The following PABPC1L variants were observed in gnomAD, a reference collection of about 807,000 sequenced individuals.
PABPC1L encodes poly(A) binding protein cytoplasmic 1 like.
In PABPC1L, 31 loss-of-function variants were observed where a neutral mutation model predicts 66.6. The observed-to-expected ratio is 0.47, with a 90% CI of 0.35 to 0.63. The LOEUF is 0.63. Among genes scored for constraint, PABPC1L ranks in the 20% least tolerant of loss-of-function variants. The pLI is 0.00. For synonymous variants in PABPC1L, 348 were observed against 335.1 expected (o/e 1.04, Z -0.42); for missense variants, 722 against 848.8 (o/e 0.85, Z 1.86).
At chr20:44,919,345 G>A in intron 5 of PABPC1L, 68 bp downstream of exon 5, 1 of 1,537,022 alleles carries the variant, frequency 6.5e-7, no homozygotes, top group African/African-American at 1.4e-5. Flanking sequence ...GAGGGTCCCA[G>A]CTGCCTGTGG....
intron 13 of PABPC1L, 64 bp downstream of exon 13, chr20:44,938,255 C>T: frequency 2.6e-6 from 4 of 1,565,072 alleles, no homozygotes; most frequent in South Asian, 1.2e-5. Context: ...GACAAGGGCT[C>T]TCCTAGTGGA....
chr20:44,934,491 C>T (rs900068643), intron 10 of PABPC1L, among the ~76,000 whole-genome samples: 2 of 152,216 alleles, frequency 1.3e-5, no homozygotes, highest in African/African-American at 4.8e-5. Flanking sequence ...CTCGTTCCTC[C>T]TCCCGCTAGC....
rs1201412446 is a variant in PABPC1L at position 44,914,204 on chromosome 20, CT to C, written c.387+1371del. ...AGTTTTTGTAGCCTATGTGTCAGAA[CT>C]TTTTTTTTTTTTTTTTTTTGAGACG... On this transcript the variant is annotated intron_variant, in intron 2 of 14. Transcript: ENST00000217073. 3.3e-3 allele frequency among the ~76,000 whole-genome samples: 379 copies of C among 114,342 alleles called. 3 individuals carry two copies. Among genetic ancestry groups the C allele is most frequent in the Admixed American group, 0.021 (223 of 10,684 alleles). 75.0% of individuals were successfully genotyped at this position (114,342 alleles called of 152,430 possible).
chr20:44,937,068 T>TG (rs1179790575), intron 12 of PABPC1L: 18 of 479,920 alleles, frequency 3.8e-5, no homozygotes, highest in African/African-American at 3.0e-4. Context: ...GGCTTGTAGG[T>TG]GGGGGGTTAA....
At chr20:44,930,335 C>A in intron 7 of PABPC1L, 125 bp from the exon 8 acceptor site, 1 of 1,315,108 alleles carries the variant, frequency 7.6e-7, no homozygotes, top group Non-Finnish European at 1.0e-6. Flanking sequence ...CGCTACATCC[C>A]TCCATCACAG....
intron 5 of PABPC1L, among the ~76,000 whole-genome samples, chr20:44,919,529 A>T (rs1206390088): frequency 5.3e-5 from 8 of 152,168 alleles, no homozygotes; most frequent in African/African-American, 1.9e-4. Flanking sequence ...ATTATTATAT[A>T]AAAATATTTA....
In PABPC1L at chr20:44,938,730, G is replaced by A. The variant is rs377541297; in HGVS notation, c.1848G>A (p.Ala616=). ...QAHQAMEQPK[A]YMH ...ACCAGGCTATGGAGCAGCCGAAGGCGTACATGCACTGAAACCAGGTGGGTG... is the reference window on the plus strand; with the variant it reads ...ACCAGGCTATGGAGCAGCCGAAGGCATACATGCACTGAAACCAGGTGGGTG... The change falls in exon 14 of 15, where the codon GCG becomes GCA. Residue 616 remains alanine (A), a synonymous_variant. Transcript: ENST00000217073. 54 of 1,611,370 alleles carry A rather than the reference G, an allele frequency of 3.4e-5. No individual in the cohort carries two copies. The highest frequency in any genetic ancestry group is 1.6e-4 in the Middle Eastern group (1 of 6,080).
chr20:44,932,376 C>A lies in PABPC1L; in HGVS notation c.1274C>A (p.Pro425Gln). 6.2e-7 allele frequency: 1 copy of A among 1,613,836 alleles called. No individual in the cohort carries two copies. Among genetic ancestry groups the A allele is most frequent in the Non-Finnish European group, 8.5e-7 (1 of 1,179,820 alleles). The change falls in exon 9 of 15, where the codon CCA (proline) becomes CAA (glutamine). Residue 425 changes from proline (P) to glutamine (Q), a missense_variant. Pro to Gln is a moderately conservative substitution (Grantham distance 76). This residue lies in a region of PABPC1L where 301 missense variants were observed against 337.2 expected (regional missense o/e 0.89). Transcript: ENST00000217073. The stretch of plus-strand genomic sequence containing the variant: ...CAGGCTGCATACTATGGCTGTGGCC[C>A]AGTGACACCCACCCAGCCTGCCCCC... ...PAQAAYYGCG[P>Q]VTPTQPAPRW...
In PABPC1L at chr20:44,938,724, G is replaced by A. The variant is rs771610516; in HGVS notation, c.1842G>A (p.Pro614=). 19 of 1,611,736 alleles carry A rather than the reference G, an allele frequency of 1.2e-5. No individual in the cohort carries two copies. Among genetic ancestry groups the A allele is most frequent in the Non-Finnish European group, 1.6e-5 (19 of 1,179,172 alleles). ...VLQAHQAMEQ[P]KAYMH Reference sequence around the variant, plus strand: ...AGGCACACCAGGCTATGGAGCAGCCGAAGGCGTACATGCACTGAAACCAGG... The same window carrying A: ...AGGCACACCAGGCTATGGAGCAGCCAAAGGCGTACATGCACTGAAACCAGG... Residue 614 remains proline (P), a synonymous_variant, in exon 14 of 15, where the codon CCG becomes CCA. Coordinates refer to ENST00000217073, the MANE Select transcript of PABPC1L (RefSeq NM_001372179.1).
chr20:44,918,959 G>C lies in PABPC1L; in HGVS notation c.557G>C (p.Arg186Pro), dbSNP rs751631595. Residue 186 changes from arginine to proline, a missense_variant, in exon 4 of 15, where the codon CGG becomes CCG. Arg to Pro is a moderately radical substitution (Grantham distance 103). Transcript: ENST00000217073. ...GAGCGGGAGGCGGAGCTGGGGGCGC[G>C]GGCCCTGGAGTTCACCAACATCTAC... is the stretch of plus-strand genomic sequence containing the variant. ...RREREAELGA[R>P]ALEFTNIYVK... The C allele has an allele frequency of 1.9e-6, 3 of 1,612,682 alleles. No homozygotes were observed. In the South Asian group the frequency reaches 3.3e-5, roughly 18 times the overall value.
Position 44,939,200 on chromosome 20 carries a change from C to A in PABPC1L, c.*81C>A. ...TCTCAGCCCTAAGGCCCTGCAAACT[C>A]TAACTTATTTCCCAATTAGTCTGTA... On this transcript the variant is annotated 3_prime_UTR_variant, in exon 15 of 15. Transcript: ENST00000217073. 1 of 717,984 alleles carries A rather than the reference C, an allele frequency of 1.4e-6. No homozygotes were observed. Among genetic ancestry groups the A allele is most frequent in the South Asian group, 1.5e-5 (1 of 67,608 alleles). 44.5% of individuals were successfully genotyped at this position (717,984 alleles called of 1,614,324 possible).
At position 44,924,269 on chromosome 20, in the gene PABPC1L, G is replaced by A. The variant is rs772701165; in HGVS notation, c.972+13G>A. 1.3e-6 allele frequency: 2 copies of A among 1,583,450 alleles called. No homozygotes were observed. Among genetic ancestry groups the A allele is most frequent in the Non-Finnish European group, 1.7e-6 (2 of 1,152,374 alleles). ...TACCAGTGCGAAGGTGAGGACTGGG[G>A]GCACCTCCGGGGGACAGCGTTCCCC... On this transcript the variant is annotated intron_variant, in intron 7 of 14. Coordinates refer to ENST00000217073, the MANE Select transcript of PABPC1L (RefSeq NM_001372179.1).
At position 44,921,871 on chromosome 20, in the gene PABPC1L, G is replaced by A. The variant is rs1233819662; in HGVS notation, c.876+140G>A. Reference sequence around the variant, plus strand: ...GCGGGAATTGAATGAGCATGGGATGGCCCCCACTGCCTAATGTATAACAGT... The same window carrying A: ...GCGGGAATTGAATGAGCATGGGATGACCCCCACTGCCTAATGTATAACAGT... On this transcript the variant is annotated intron_variant, in intron 6 of 14. Transcript: ENST00000217073. 9 of 1,236,038 alleles carry A rather than the reference G, an allele frequency of 7.3e-6. No individual in the cohort carries two copies. In the African/African-American group the frequency reaches 1.1e-4, roughly 15 times the overall value. The allele number at this position is 1,236,038 out of a possible 1,614,324, so 76.6% of individuals were successfully genotyped here.
intron 1 of PABPC1L, among the ~76,000 whole-genome samples, chr20:44,912,428 A>G (rs961544432): frequency 6.6e-6 from 1 of 152,164 alleles, no homozygotes. Flanking sequence ...TGGTTGAATG[A>G]GATCATAACT....
chr20:44,919,377 G>C lies in PABPC1L; in HGVS notation c.738+100G>C. 4.5e-6 allele frequency: 6 copies of C among 1,329,314 alleles called. No individual in the cohort carries two copies. The South Asian group carries it at 6.3e-5, about 14-fold the overall frequency. The allele number at this position is 1,329,314 out of a possible 1,614,324, so 82.3% of individuals were successfully genotyped here. A position where few individuals can be genotyped will look rare whatever the true frequency, so the allele number is the denominator to read the frequency against. On this transcript the variant is annotated intron_variant, in intron 5 of 14. Transcript: ENST00000217073. ...GTGGAGGGGAAGAAAGTCCCTCCCC[G>C]GCCTAAGCCAAGAGGGTGGGAGAGT...
rs548616076 is a variant in PABPC1L, at chr20:44,936,885, A to G, written c.1660+155A>G. ...GGGTGACCGTGGCCAAGCTGGCTCT[A>G]TTCTCTAGGCACCTGTTATCTTGTC... On this transcript the variant is annotated intron_variant, in intron 12 of 14. Transcript: ENST00000217073. The G allele has an allele frequency of 1.9e-5, 14 of 744,448 alleles. No homozygotes were observed. In the African/African-American group the frequency reaches 2.3e-4, roughly 12 times the overall value. 46.1% of individuals were successfully genotyped at this position (744,448 alleles called of 1,614,324 possible).
In PABPC1L at chr20:44,919,167, G is replaced by C; in HGVS notation, c.644-16G>C. On this transcript the variant is annotated splice_polypyrimidine_tract_variant and intron_variant, in intron 4 of 14. Coordinates refer to ENST00000217073, the MANE Select transcript of PABPC1L (RefSeq NM_001372179.1). ...ACTTCCCAGACTCCCCTTTGAGCCA[G>C]GTTGGTCCTTTGCAGGGAAAATGCT... 6.2e-7 allele frequency: 1 copy of C among 1,614,216 alleles called. No individual in the cohort carries two copies. Among genetic ancestry groups the C allele is most frequent in the Non-Finnish European group, 8.5e-7 (1 of 1,180,022 alleles).
At chr20:44,918,786 A>G in intron 3 of PABPC1L, 120 bp from the exon 4 acceptor site, 1 of 1,238,340 alleles carries the variant, frequency 8.1e-7, no homozygotes, top group Non-Finnish European at 1.1e-6. Context: ...TGTCCTGCCC[A>G]GTTTCCTGAT....
chr20:44,921,649 G>T lies in PABPC1L; in HGVS notation c.794G>T (p.Arg265Leu). The change falls in exon 6 of 15, where the codon CGG becomes CTG. Residue 265 changes from arginine to leucine, a missense_variant. By Grantham distance (102) the Arg-to-Leu change is moderately radical. Around this residue, in one of 3 missense-constraint regions of PABPC1L, gnomAD observed 137 missense variants for 216.8 expected, o/e 0.63. Transcript: ENST00000217073. Reference sequence around the variant, plus strand: ...AGCGGGCGGCTGCTGTACGCGGGCCGGGCCCAAAAGCGCGTGGAGCGGCAG... The same window carrying T: ...AGCGGGCGGCTGCTGTACGCGGGCCTGGCCCAAAAGCGCGTGGAGCGGCAG... ...EVSGRLLYAG[R>L]AQKRVERQNE... is the part of the protein sequence containing the mutation. 6.2e-7 allele frequency: 1 copy of T among 1,613,958 alleles called. No individual in the cohort carries two copies. Among genetic ancestry groups the T allele is most frequent in the Non-Finnish European group, 8.5e-7 (1 of 1,179,958 alleles).
Sources: allele counts gnomAD v4.1 joint callset (sites outside exome capture counted in the v4.1 genomes callset), GRCh38; gene constraint gnomAD v4.1.1; regional missense constraint gnomAD v4.1.1; transcripts MANE v1.5; gene names NCBI Gene and HGNC (gene_info 2026-07-23, HGNC 2026-07-21).